The following SPATS2L variants were observed in gnomAD, a reference collection of about 807,000 sequenced individuals.
The protein encoded by SPATS2L is SPATS2-like protein.
SPATS2L carries 30 observed loss-of-function variants against 59.6 expected under a neutral mutation model. The observed-to-expected ratio is 0.50, with a 90% CI of 0.38 to 0.68. SPATS2L has a LOEUF of 0.68. SPATS2L is among the 30% of genes least tolerant of loss of function. SPATS2L has a pLI of 0.00. For missense variants in SPATS2L, 615 were observed against 700.0 expected, an observed-to-expected ratio of 0.88 and a Z score of 1.37; for synonymous variants, 252 against 263.5, an observed-to-expected ratio of 0.96 and a Z score of 0.42.
chr2:200,430,522 G>A (rs185152321), intron 6 of SPATS2L, among the ~76,000 whole-genome samples: 4 of 151,844 alleles, frequency 2.6e-5, no homozygotes, highest in Admixed American at 2.0e-4. Flanking sequence ...CAGATATGTA[G>A]ATTTTTTTTA....
At chr2:200,306,092 A>G, upstream of SPATS2L, 1 of 985,628 alleles carries the variant, frequency 1.0e-6, no homozygotes, top group Non-Finnish European at 1.2e-6. Flanking sequence ...GCGGCGGAAC[A>G]CCCCGGGTTG....
At chr2:200,345,583 A>G (rs1278464200) in intron 2 of SPATS2L, among the ~76,000 whole-genome samples, 3 of 152,182 alleles carry the variant, frequency 2.0e-5, no homozygotes, top group Non-Finnish European at 4.4e-5. Flanking sequence ...TCCTACTCCC[A>G]AATCCCAGGT....
At chr2:200,432,512 C>T (rs749653492) in intron 6 of SPATS2L, among the ~76,000 whole-genome samples, 2 of 152,146 alleles carry the variant, frequency 1.3e-5, no homozygotes, top group Non-Finnish European at 2.9e-5. Flanking sequence ...ATTAGTCACC[C>T]GTTAGAACAA....
rs897915401 is a variant in SPATS2L, at chr2:200,434,592, T to A, written c.446-4530T>A. Among the ~76,000 whole-genome samples, 4 of 152,222 alleles carry A rather than the reference T, an allele frequency of 2.6e-5. No individual in the cohort carries two copies. In the East Asian group the frequency reaches 7.7e-4, roughly 29 times the overall value. The stretch of plus-strand genomic sequence containing the variant: ...CCTGACATTTTGGAATTGAAATTTT[T>A]AAAAATGCTATAAACAATAACATAA... On this transcript the variant is annotated intron_variant, in intron 6 of 12. Transcript: ENST00000409140.
chr2:200,409,563 A>G (rs1376943503), intron 3 of SPATS2L, among the ~76,000 whole-genome samples: 1 of 152,246 alleles, frequency 6.6e-6, no homozygotes, highest in Non-Finnish European at 1.5e-5. Context: ...CTGTCTCCAC[A>G]TTCGCCAAGC....
At chr2:200,317,898 T>A (rs1273838447) in intron 1 of SPATS2L, among the ~76,000 whole-genome samples, 1 of 152,210 alleles carries the variant, frequency 6.6e-6, no homozygotes, top group Non-Finnish European at 1.5e-5. Context: ...TTTTCACACT[T>A]ATTTTGTTGG....
intron 2 of SPATS2L, among the ~76,000 whole-genome samples, chr2:200,333,115 A>G (rs1291742579): frequency 6.6e-6 from 1 of 151,302 alleles, no homozygotes. Flanking sequence ...TCTCTTTTCT[A>G]CAAATACAAA....
chr2:200,394,468 T>C (rs377206685), intron 3 of SPATS2L, among the ~76,000 whole-genome samples: 1 of 152,220 alleles, frequency 6.6e-6, no homozygotes, highest in East Asian at 1.9e-4. Context: ...TAATTGTTAG[T>C]TGTGGCTCTG....
At chr2:200,463,207 A>G (rs1010521947) in intron 9 of SPATS2L, 3 of 151,980 alleles carry the variant, frequency 2.0e-5, no homozygotes, top group Non-Finnish European at 2.9e-5. Flanking sequence ...CACTAACTAC[A>G]GAACTGTCTT....
At chr2:200,337,824 T>C (rs779919417) in intron 2 of SPATS2L, among the ~76,000 whole-genome samples, 1 of 152,224 alleles carries the variant, frequency 6.6e-6, no homozygotes, top group African/African-American at 2.4e-5. Context: ...ACATAAGATA[T>C]TCAGCTAGCC....
At chr2:200,320,182 A>G (rs2079517743) in intron 1 of SPATS2L, among the ~76,000 whole-genome samples, 1 of 152,140 alleles carries the variant, frequency 6.6e-6, no homozygotes, top group Non-Finnish European at 1.5e-5. Context: ...GACTTAGTCA[A>G]ATGCTTTAGT....
At chr2:200,371,091 T>C (rs2081411897) in intron 2 of SPATS2L, among the ~76,000 whole-genome samples, 1 of 152,168 alleles carries the variant, frequency 6.6e-6, no homozygotes, top group Non-Finnish European at 1.5e-5. Flanking sequence ...GATCAGTGTA[T>C]ACCGTGATGT....
At chr2:200,359,527 C>T (rs996830474) in intron 2 of SPATS2L, among the ~76,000 whole-genome samples, 3 of 152,212 alleles carry the variant, frequency 2.0e-5, no homozygotes, top group Admixed American at 6.5e-5. Context: ...TGACTCTTCT[C>T]TGTCTTCCAA....
At chr2:200,408,512 A>G (rs2082765847) in intron 3 of SPATS2L, among the ~76,000 whole-genome samples, 2 of 152,250 alleles carry the variant, frequency 1.3e-5, no homozygotes, top group South Asian at 4.2e-4. Flanking sequence ...GTGGATTGAA[A>G]ACTTTGGTCA....
At chr2:200,346,546 GT>G (rs1033426772) in intron 2 of SPATS2L, among the ~76,000 whole-genome samples, 4 of 151,980 alleles carry the variant, frequency 2.6e-5, no homozygotes, top group African/African-American at 9.7e-5. Flanking sequence ...ATAAACTATT[GT>G]TTTTTTGTTT....
chr2:200,322,778 T>C (rs1187877625), intron 1 of SPATS2L, among the ~76,000 whole-genome samples: 2 of 152,202 alleles, frequency 1.3e-5, no homozygotes, highest in Non-Finnish European at 2.9e-5. Context: ...AATCCTGATT[T>C]GTCATTTTGT....
intron 2 of SPATS2L, among the ~76,000 whole-genome samples, chr2:200,350,857 C>A (rs1007050685): frequency 6.6e-6 from 1 of 152,002 alleles, no homozygotes; most frequent in Non-Finnish European, 1.5e-5. Context: ...TTAAGTAGAC[C>A]TAAAATCCTG....
At chr2:200,383,574 T>G (rs2081894951) in intron 2 of SPATS2L, among the ~76,000 whole-genome samples, 1 of 152,156 alleles carries the variant, frequency 6.6e-6, no homozygotes, top group African/African-American at 2.4e-5. Context: ...ATCTCAGTTT[T>G]TCAGAGCTCC....
chr2:200,333,431 T>A lies in SPATS2L; in HGVS notation c.-23+3951T>A, dbSNP rs149396756. Among the ~76,000 whole-genome samples the A allele has an allele frequency of 7.0e-3, 1,066 of 151,986 alleles. 10 individuals are homozygous for A. In the Middle Eastern group the frequency reaches 0.092, roughly 13 times the overall value. On this transcript the variant is annotated intron_variant, in intron 2 of 12. Transcript: ENST00000409140. The stretch of plus-strand genomic sequence containing the variant: ...TACATATGAGTGTTTGTTACATGTG[T>A]AGAATATGTAGTGATCAAGTTGGGA...
Sources: allele counts gnomAD v4.1 joint callset (sites outside exome capture counted in the v4.1 genomes callset), GRCh38; gene constraint gnomAD v4.1.1; transcripts MANE v1.5; gene names NCBI Gene and HGNC (gene_info 2026-07-23, HGNC 2026-07-21).